Variants in SLCO1B3 observed in about 807,000 individuals in gnomAD.
The protein encoded by SLCO1B3 is solute carrier organic anion transporter family member 1B3, also known as liver-specific organic anion transporter 2.
Under a neutral mutation model 71.8 loss-of-function variants are expected in SLCO1B3, and 72 were observed. The observed-to-expected ratio is 1.00, with a 90% CI of 0.83 to 1.22. The LOEUF (loss-of-function observed/expected upper bound fraction) is 1.22, where lower values mean the gene tolerates loss of function less well. Among genes scored for constraint, SLCO1B3 ranks in the 50% most tolerant of loss-of-function variants. SLCO1B3 has a pLI of 0.00. For missense variants in SLCO1B3, 911 were observed against 819.7 expected (o/e 1.11, Z -1.36); for synonymous variants, 298 against 278.4 (o/e 1.07, Z -0.70).
intron 3 of SLCO1B3, among the ~76,000 whole-genome samples, chr12:20,847,110 C>T (rs1864935609): frequency 6.6e-6 from 1 of 152,042 alleles, no homozygotes; most frequent in African/African-American, 2.4e-5. Flanking sequence ...GAAAGCCTCG[C>T]ATATGCCCAG....
chr12:20,910,844 G>C (rs1866359003), intron 15 of SLCO1B3, among the ~76,000 whole-genome samples: 1 of 151,982 alleles, frequency 6.6e-6, no homozygotes, highest in African/African-American at 2.4e-5. Flanking sequence ...ATTAGTTCCA[G>C]TAGTGTTTTT....
intron 3 of SLCO1B3, among the ~76,000 whole-genome samples, chr12:20,817,620 C>G (rs1262091535): frequency 6.6e-6 from 1 of 152,020 alleles, no homozygotes; most frequent in Non-Finnish European, 1.5e-5. Flanking sequence ...TGGAGTCTCG[C>G]TCTGTCACCC....
rs1185865387 is a variant in SLCO1B3, at chr12:20,879,474, T to C, written c.1174T>C (p.Leu392=). The C allele has an allele frequency of 6.2e-7, 1 of 1,610,806 alleles. No individual in the cohort carries two copies. The change falls in exon 11 of 16, where the codon TTA becomes CTA. Residue 392 remains leucine (L), a synonymous_variant. Transcript: ENST00000381545. ...TIPTVATGMF[L]GGFIIKKFKL... is the part of the protein sequence containing the mutation. ...TCCTACGGTTGCAACTGGAATGTTT[T>C]TAGGAGGATTTATCATTAAAAAATT...
At chr12:20,894,026 A>C (rs1865953848) in intron 13 of SLCO1B3, among the ~76,000 whole-genome samples, 1 of 152,188 alleles carries the variant, frequency 6.6e-6, no homozygotes, top group Admixed American at 6.5e-5. Context: ...AGCATTCCCT[A>C]CCTGTGCTAT....
In SLCO1B3 at chr12:20,817,473, CAAG is replaced by C. The variant is rs149943965; in HGVS notation, c.84+1654_84+1656del. Among the ~76,000 whole-genome samples the C allele has an allele frequency of 6.0e-3, 906 of 152,258 alleles. 7 individuals carry two copies. The highest frequency in any genetic ancestry group is 0.021 in the African/African-American group (881 of 41,552). On this transcript the variant is annotated intron_variant, in intron 3 of 15. Coordinates refer to ENST00000381545, the MANE Select transcript of SLCO1B3 (RefSeq NM_019844.4). ...CATTGAATGTTCCTGGCACCTTTGT[CAAG>C]AATAAGCTCACTGTAGGTGTGTGGA...
At chr12:20,871,628 G>A (rs1376603817) in intron 8 of SLCO1B3, among the ~76,000 whole-genome samples, 2 of 152,136 alleles carry the variant, frequency 1.3e-5, no homozygotes, top group Non-Finnish European at 2.9e-5. Context: ...TCTTAGAGAG[G>A]TACTGCCTTG....
rs1193784373 is a variant in SLCO1B3 at position 20,815,768 on chromosome 12, A to G, written c.30A>G (p.Thr10=). 2 of 1,600,736 alleles carry G rather than the reference A, an allele frequency of 1.2e-6. No homozygotes were observed. The highest frequency in any genetic ancestry group is 1.7e-6 in the Non-Finnish European group (2 of 1,172,230). MDQHQHLNK[T]AESASSEKKK... Reference sequence around the variant, plus strand: ...ACCAACATCAACATTTGAATAAAACAGCAGAGTCAGCATCTTCAGAGAAAA... The same window carrying G: ...ACCAACATCAACATTTGAATAAAACGGCAGAGTCAGCATCTTCAGAGAAAA... The change falls in exon 3 of 16, where the codon ACA becomes ACG. Residue 10 remains threonine (T), a synonymous_variant. Coordinates refer to ENST00000381545, the MANE Select transcript of SLCO1B3 (RefSeq NM_019844.4).
At chr12:20,898,618 A>G (rs1400848709) in intron 14 of SLCO1B3, 118 bp downstream of exon 14, 8 of 475,214 alleles carry the variant, frequency 1.7e-5, no homozygotes, top group Non-Finnish European at 2.6e-5. Flanking sequence ...GGTAAGAATC[A>G]TTTCTATTTT....
chr12:20,847,522 C>G (rs961319458), intron 3 of SLCO1B3, among the ~76,000 whole-genome samples: 1 of 140,758 alleles, frequency 7.1e-6, no homozygotes, highest in African/African-American at 2.5e-5. Context: ...CTCAGACAAC[C>G]CAGCTTTCAG....
intron 3 of SLCO1B3, among the ~76,000 whole-genome samples, chr12:20,822,055 G>A (rs933222045): frequency 2.0e-5 from 3 of 152,184 alleles, no homozygotes; most frequent in African/African-American, 7.2e-5. Context: ...TGAAATTGGT[G>A]AGATGTTTCT....
At chr12:20,879,226 T>TTTTTTA (rs1865640414) in intron 10 of SLCO1B3, among the ~76,000 whole-genome samples, 1 of 147,220 alleles carries the variant, frequency 6.8e-6, no homozygotes, top group Non-Finnish European at 1.5e-5. Flanking sequence ...TTTTTTTTTT[T>TTTTTTA]GAGATGGAGT....
At chr12:20,909,114 A>G (rs1020290442) in intron 15 of SLCO1B3, among the ~76,000 whole-genome samples, 2 of 151,106 alleles carry the variant, frequency 1.3e-5, no homozygotes, top group Non-Finnish European at 2.9e-5. Flanking sequence ...TGTTGTTTAA[A>G]TGTGCATTTG....
intron 2 of SLCO1B3, among the ~76,000 whole-genome samples, chr12:20,815,360 A>C (rs1864174543): frequency 6.6e-6 from 1 of 152,200 alleles, no homozygotes; most frequent in Non-Finnish European, 1.5e-5. Context: ...AGAAAATATA[A>C]AAATTTTAAT....
chr12:20,876,678 A>G (rs1333380826), intron 9 of SLCO1B3, among the ~76,000 whole-genome samples: 1 of 152,112 alleles, frequency 6.6e-6, no homozygotes, highest in Non-Finnish European at 1.5e-5. Context: ...AATATCACAA[A>G]TCGAGTTTGT....
chr12:20,823,523 A>G (rs1864361573), intron 3 of SLCO1B3, among the ~76,000 whole-genome samples: 1 of 152,190 alleles, frequency 6.6e-6, no homozygotes, highest in Non-Finnish European at 1.5e-5. Flanking sequence ...TAAACAGAAA[A>G]TCATAGTAGG....
rs188074244 is a variant in SLCO1B3, at chr12:20,891,223, A to G, written c.1683-7213A>G. 1.9e-3 allele frequency among the ~76,000 whole-genome samples: 284 copies of G among 152,114 alleles called. 1 individual carries two copies. The highest frequency in any genetic ancestry group is 3.4e-3 in the Middle Eastern group (1 of 294). On this transcript the variant is annotated intron_variant, in intron 13 of 15. Transcript: ENST00000381545. ...TGTAGAGTCAGTCTGTTTGCGACAAATTCCCTTAGTGTTTGCTTATTTGGG... is the reference window on the plus strand; with the variant it reads ...TGTAGAGTCAGTCTGTTTGCGACAAGTTCCCTTAGTGTTTGCTTATTTGGG...
chr12:20,915,938 GA>G (rs1433636973), intron 15 of SLCO1B3, 65 bp from the exon 16 acceptor site: 6 of 1,307,600 alleles, frequency 4.6e-6, no homozygotes, highest in Middle Eastern at 5.3e-4. Context: ...ATACTGGGGA[GA>G]AAAAAATGTA....
At chr12:20,842,030 G>A (rs972868389) in intron 3 of SLCO1B3, among the ~76,000 whole-genome samples, 41 of 151,950 alleles carry the variant, frequency 2.7e-4, no homozygotes, top group African/African-American at 9.4e-4. Context: ...TGAGTAGCTG[G>A]GATTACAGGC....
At chr12:20,903,559 G>A (rs754037863) in intron 15 of SLCO1B3, among the ~76,000 whole-genome samples, 1 of 152,118 alleles carries the variant, frequency 6.6e-6, no homozygotes, top group Non-Finnish European at 1.5e-5. Context: ...AGCAAGGCAT[G>A]TCTTCTCCTA....
Sources: allele counts gnomAD v4.1 joint callset (sites outside exome capture counted in the v4.1 genomes callset), GRCh38; gene constraint gnomAD v4.1.1; transcripts MANE v1.5; gene names NCBI Gene and HGNC (gene_info 2026-07-23, HGNC 2026-07-21).